Variants in SYK observed in about 807,000 individuals in gnomAD.
SYK encodes tyrosine-protein kinase SYK.
In SYK, 16 loss-of-function variants were observed where a neutral mutation model predicts 77.8. The ratio of observed to expected loss-of-function variants is 0.21; its 90% CI spans 0.14 to 0.31. SYK has a LOEUF of 0.31. SYK is among the 10% of genes least tolerant of loss of function. The pLI is 1.00. For missense variants in SYK, 529 were observed against 814.4 expected (o/e 0.65, Z 4.26); for synonymous variants, 312 against 308.7 (o/e 1.01, Z -0.11).
chr9:90,810,712 G>A (rs1312163890), intron 1 of SYK, among the ~76,000 whole-genome samples: 3 of 152,108 alleles, frequency 2.0e-5, no homozygotes, highest in Admixed American at 6.6e-5. Context: ...AAATACTTAC[G>A]GTAAAGTGTT....
intron 1 of SYK, among the ~76,000 whole-genome samples, chr9:90,827,734 A>T (rs975537762): frequency 1.3e-5 from 2 of 152,210 alleles, no homozygotes; most frequent in African/African-American, 4.8e-5. Flanking sequence ...GCACATGTCC[A>T]TCTTGAGCTG....
At position 90,844,335 on chromosome 9, in the gene SYK, G is replaced by A. The variant is rs368093787; in HGVS notation, c.417+20G>A. 1.3e-5 allele frequency: 21 copies of A among 1,558,274 alleles called. No homozygotes were observed. In the East Asian group the frequency reaches 4.1e-4, roughly 30 times the overall value. ...CTGCAGGTGGGCCACAGCTGGTCCT[G>A]CTCCCTGGGCCCAGGGGGCCCTGTG... On this transcript the variant is annotated intron_variant, in intron 2 of 13. Transcript: ENST00000375754.
chr9:90,862,683 G>C (rs1302337910), intron 4 of SYK, among the ~76,000 whole-genome samples: 2 of 152,216 alleles, frequency 1.3e-5, no homozygotes, highest in African/African-American at 4.8e-5. Context: ...GCAGGGCTGT[G>C]TTCAGAGTTT....
At chr9:90,836,138 T>C (rs158507) in intron 1 of SYK, among the ~76,000 whole-genome samples, 6,923 of 152,034 alleles carry the variant, frequency 0.046, 259 homozygotes, top group Middle Eastern at 0.078. Context: ...CATACAAAAG[T>C]TAGCCAGGCG....
intron 1 of SYK, among the ~76,000 whole-genome samples, chr9:90,825,741 C>G (rs1825647799): frequency 6.6e-6 from 1 of 152,040 alleles, no homozygotes; most frequent in Non-Finnish European, 1.5e-5. Context: ...CAGAGCTACT[C>G]AAAAGAGATG....
chr9:90,872,585 G>T (rs1169695585), intron 7 of SYK, among the ~76,000 whole-genome samples: 2 of 152,210 alleles, frequency 1.3e-5, no homozygotes, highest in Non-Finnish European at 2.9e-5. Context: ...TAAATCAGAA[G>T]TGAAACCACA....
At chr9:90,835,909 T>A (rs570792168) in intron 1 of SYK, among the ~76,000 whole-genome samples, 1 of 152,352 alleles carries the variant, frequency 6.6e-6, no homozygotes, top group South Asian at 2.1e-4. Context: ...ATATGCGGAT[T>A]TTTTTTCAAC....
chr9:90,879,355 C>T (rs914870792), intron 11 of SYK, among the ~76,000 whole-genome samples: 4 of 152,202 alleles, frequency 2.6e-5, no homozygotes, highest in Admixed American at 1.3e-4. Context: ...GGGTTTACTG[C>T]ACTGCATTTC....
chr9:90,815,241 C>G (rs1034786402), intron 1 of SYK, among the ~76,000 whole-genome samples: 8 of 152,226 alleles, frequency 5.3e-5, no homozygotes, highest in Non-Finnish European at 1.2e-4. Context: ...CTTGTACCTT[C>G]AAGACCAAGA....
At chr9:90,821,764 T>G (rs1247400042) in intron 1 of SYK, among the ~76,000 whole-genome samples, 1 of 152,182 alleles carries the variant, frequency 6.6e-6, no homozygotes, top group Non-Finnish European at 1.5e-5. Flanking sequence ...ATTTTTTGCA[T>G]TTTTGTTCCT....
rs146732805 is a variant in SYK at position 90,874,209 on chromosome 9, C to G, written c.921C>G (p.Ser307=). The G allele has an allele frequency of 2.6e-5, 42 of 1,614,054 alleles. No homozygotes were observed. Among genetic ancestry groups the G allele is most frequent in the Middle Eastern group, 1.7e-4 (1 of 6,060 alleles). ...TTGTCCTTTATGTACTTTAGTCCTC[C>G]CCTGCCCAAGGGAACCGGCAAGAGA... The part of the protein sequence containing the change: ...SFPKPGHRKS[S]PAQGNRQEST... Residue 307 remains serine (S), a synonymous_variant, in exon 8 of 14, where the codon TCC becomes TCG. Transcript: ENST00000375754.
chr9:90,844,721 T>C (rs1826517121), intron 2 of SYK, among the ~76,000 whole-genome samples: 1 of 152,244 alleles, frequency 6.6e-6, no homozygotes, highest in African/African-American at 2.4e-5. Flanking sequence ...ACTCATATAG[T>C]TGCATCACCC....
chr9:90,855,188 A>G (rs1425332125), intron 3 of SYK, among the ~76,000 whole-genome samples: 1 of 152,198 alleles, frequency 6.6e-6, no homozygotes, highest in Non-Finnish European at 1.5e-5. Flanking sequence ...GTCTTTAGGA[A>G]CTGTCTCAAT....
At chr9:90,875,176 A>G (rs899620981) in intron 9 of SYK, among the ~76,000 whole-genome samples, 26 of 152,022 alleles carry the variant, frequency 1.7e-4, no homozygotes, top group African/African-American at 5.6e-4. Flanking sequence ...GGATAGGAGG[A>G]TTGTTTGAGG....
At chr9:90,872,481 C>T (rs917966173) in intron 7 of SYK, among the ~76,000 whole-genome samples, 5 of 152,156 alleles carry the variant, frequency 3.3e-5, no homozygotes, top group Admixed American at 1.3e-4. Flanking sequence ...GAATTGGTTG[C>T]GGGAGAAAAC....
chr9:90,807,134 G>C (rs1034679812), intron 1 of SYK, among the ~76,000 whole-genome samples: 5 of 152,218 alleles, frequency 3.3e-5, no homozygotes, highest in African/African-American at 4.8e-5. Context: ...TTCTCTGAGA[G>C]AGTCAGTCTC....
intron 3 of SYK, among the ~76,000 whole-genome samples, chr9:90,855,707 A>G (rs1477723174): frequency 6.6e-6 from 1 of 152,018 alleles, no homozygotes; most frequent in African/African-American, 2.4e-5. Flanking sequence ...TGAGAGAGAG[A>G]GAGAGAGAGA....
chr9:90,814,278 G>A (rs2118337858), intron 1 of SYK, among the ~76,000 whole-genome samples: 1 of 152,316 alleles, frequency 6.6e-6, no homozygotes, highest in East Asian at 1.9e-4. Context: ...TTTATAAGAT[G>A]CAGCTCATCA....
intron 11 of SYK, among the ~76,000 whole-genome samples, chr9:90,884,202 C>T (rs979045518): frequency 2.6e-5 from 4 of 151,484 alleles, no homozygotes; most frequent in Non-Finnish European, 2.9e-5. Flanking sequence ...CATACACATA[C>T]GTGTATATAT....
Sources: gnomAD v4.1 joint callset for allele counts (sites outside exome capture counted in the v4.1 genomes callset) on GRCh38, gnomAD v4.1.1 for gene constraint, MANE v1.5 for transcripts, NCBI Gene and HGNC (gene_info 2026-07-23, HGNC 2026-07-21) for gene names.